NSD2: variants seen among roughly 807,000 people sequenced by gnomAD.
The protein encoded by NSD2 is histone-lysine N-methyltransferase NSD2.
A neutral mutation model predicts 139.0 loss-of-function variants in NSD2; 12 were observed. The ratio of observed to expected loss-of-function variants is 0.09; its 90% confidence interval spans 0.06 to 0.14. NSD2 has a LOEUF of 0.14. Ranked by LOEUF, NSD2 falls within the 10% of genes least tolerant of loss-of-function variation. The pLI is 1.00. For missense variants in NSD2, 1,155 were observed against 1,745.0 expected (o/e 0.66, Z 6.02); for synonymous variants, 669 against 648.7 (o/e 1.03, Z -0.48).
At chr4:1,965,340 G>A (rs895396289) in intron 18 of NSD2, among the ~76,000 whole-genome samples, 2 of 152,166 alleles carry the variant, frequency 1.3e-5, no homozygotes, top group African/African-American at 4.8e-5. Context: ...AAACAGAAAA[G>A]AAGATTGAAG....
In NSD2 at chr4:1,935,184, A is replaced by T. The variant is rs1177980919; in HGVS notation, c.1596A>T (p.Ile532=). The T allele has an allele frequency of 1.2e-6, 2 of 1,613,662 alleles. No homozygotes were observed. Among genetic ancestry groups the T allele is most frequent in the South Asian group, 2.2e-5 (2 of 91,030 alleles). Residue 532 remains isoleucine (I), a synonymous_variant, in exon 7 of 22, where the codon ATA becomes ATT. Transcript: ENST00000508803. ...NGKKRNHTKR[I]QDPTEDAEAE... is the part of the protein sequence containing the mutation. ...AAAAAAGAAACCACACAAAGAGGAT[A>T]CAGGACCCTACAGAAGATGCTGAAG... is the stretch of plus-strand genomic sequence containing the variant.
chr4:1,895,821 G>A, intron 1 of NSD2, among the ~76,000 whole-genome samples: 1 of 152,210 alleles, frequency 6.6e-6, no homozygotes, highest in Non-Finnish European at 1.5e-5. Context: ...TTAGGCGGAG[G>A]CTTGGGGTTC....
chr4:1,946,372 ATTC>A, intron 9 of NSD2: 1 of 478,610 alleles, frequency 2.1e-6, no homozygotes, highest in East Asian at 9.1e-5. Flanking sequence ...GGTTCCAGCA[ATTC>A]TTCTGCCTCA....
intron 1 of NSD2, among the ~76,000 whole-genome samples, chr4:1,898,357 C>G (rs1716648624): frequency 6.6e-6 from 1 of 152,160 alleles, no homozygotes; most frequent in Non-Finnish European, 1.5e-5. Context: ...AAAGCCTGAC[C>G]ACATTCCCCT....
chr4:1,932,094 G>A (rs1023490104), intron 6 of NSD2, among the ~76,000 whole-genome samples: 1 of 152,126 alleles, frequency 6.6e-6, no homozygotes, highest in Non-Finnish European at 1.5e-5. Context: ...CTAACAACTA[G>A]GATGGCGCAC....
chr4:1,946,754 A>G, intron 9 of NSD2: 2 of 1,046,628 alleles, frequency 1.9e-6, no homozygotes, highest in East Asian at 5.6e-5. Flanking sequence ...TATTTGTATT[A>G]TATTCATCTG....
chr4:1,901,872 G>A (rs982928660), intron 2 of NSD2, among the ~76,000 whole-genome samples: 2 of 152,214 alleles, frequency 1.3e-5, no homozygotes, highest in Non-Finnish European at 2.9e-5. Context: ...GAACACAAGC[G>A]AATGAGTGTT....
chr4:1,890,002 C>T (rs1177305454), intron 1 of NSD2, among the ~76,000 whole-genome samples: 1 of 152,170 alleles, frequency 6.6e-6, no homozygotes, highest in Non-Finnish European at 1.5e-5. Context: ...CTCTCCTCTC[C>T]CAGCCCCTGG....
Position 1,979,523 on chromosome 4 carries a change from A to G in NSD2, c.*614A>G, listed in dbSNP as rs538679524. The G allele has an allele frequency of 6.9e-5, 16 of 232,966 alleles. No individual in the cohort carries two copies. Among genetic ancestry groups the G allele is most frequent in the African/African-American group, 2.9e-4 (13 of 45,440 alleles). 14.4% of individuals were successfully genotyped at this position (232,966 alleles called of 1,614,324 possible). On this transcript the variant is annotated 3_prime_UTR_variant, in exon 22 of 22. Transcript: ENST00000508803. ...GCTGGCCCTGCAGGTGGTGGCAGCAATGGTGTTGTAAGATTTCCTCCCGTA... is the reference window on the plus strand; with the variant it reads ...GCTGGCCCTGCAGGTGGTGGCAGCAGTGGTGTTGTAAGATTTCCTCCCGTA...
rs1040303131 is a variant in NSD2, at chr4:1,972,243, G to A, written c.3373-2620G>A. The stretch of plus-strand genomic sequence containing the variant: ...TGGAGCAGGCTTCTGTGGAAAGTTC[G>A]GCAGTGTCACTGACGGACACAAGAG... On this transcript the variant is annotated intron_variant, in intron 18 of 21. Coordinates refer to ENST00000508803, the MANE Select transcript of NSD2 (RefSeq NM_001042424.3). This position sits in a 1 kb window ranked among gnomAD's most constrained non-coding sequence, Gnocchi z 4.0. 6.6e-6 allele frequency among the ~76,000 whole-genome samples: 1 copy of A among 152,180 alleles called. No homozygotes were observed. The highest frequency in any genetic ancestry group is 2.4e-5 in the African/African-American group (1 of 41,440).
intron 1 of NSD2, among the ~76,000 whole-genome samples, chr4:1,887,087 C>G (rs1197333264): frequency 6.6e-6 from 1 of 152,064 alleles, no homozygotes; most frequent in Non-Finnish European, 1.5e-5. Flanking sequence ...ACATGGTTTG[C>G]CAGGGTTAGC....
rs2108958452 is a variant in NSD2, at chr4:1,955,686, C to T, written c.2519-7C>T. ...CTAAGCCTGGCCGCCTCGCCCTCCTCTTGCAGGGGGGAGCCTTCTGTGCTG... is the reference window on the plus strand; with the variant it reads ...CTAAGCCTGGCCGCCTCGCCCTCCTTTTGCAGGGGGGAGCCTTCTGTGCTG... On this transcript the variant is annotated splice_region_variant and splice_polypyrimidine_tract_variant and intron_variant, in intron 13 of 21. Coordinates refer to ENST00000508803, the MANE Select transcript of NSD2 (RefSeq NM_001042424.3). The surrounding 1 kb of genome is among the most constrained non-coding windows in gnomAD (Gnocchi z 4.7). The T allele has an allele frequency of 2.5e-6, 4 of 1,610,576 alleles. No individual in the cohort carries two copies. Among genetic ancestry groups the T allele is most frequent in the East Asian group, 4.5e-5 (2 of 44,756 alleles).
intron 10 of NSD2, among the ~76,000 whole-genome samples, chr4:1,951,632 G>C (rs1724282382): frequency 6.6e-6 from 1 of 152,122 alleles, no homozygotes; most frequent in Non-Finnish European, 1.5e-5. Flanking sequence ...CTAGACCTGT[G>C]TGTGCCCACA....
intron 1 of NSD2, among the ~76,000 whole-genome samples, chr4:1,882,768 G>A (rs988117088): frequency 6.6e-6 from 1 of 152,206 alleles, no homozygotes; most frequent in Non-Finnish European, 1.5e-5. Context: ...CTCAAAGTCT[G>A]GTCCCCAGAC....
intron 9 of NSD2, chr4:1,943,200 CT>C: frequency 9.6e-7 from 1 of 1,041,384 alleles, no homozygotes; most frequent in Non-Finnish European, 1.2e-6. Context: ...CTTACTTGCC[CT>C]TCAGCTCATA....
At chr4:1,925,930 G>C (rs1031422208) in intron 5 of NSD2, among the ~76,000 whole-genome samples, 3 of 151,568 alleles carry the variant, frequency 2.0e-5, no homozygotes, top group African/African-American at 7.3e-5. Flanking sequence ...AGCCTCCCTA[G>C]TAGCTGGGAC....
intron 15 of NSD2, among the ~76,000 whole-genome samples, chr4:1,957,278 TTTTG>T (rs1724919652): frequency 6.6e-6 from 1 of 151,254 alleles, no homozygotes; most frequent in African/African-American, 2.4e-5. Context: ...CTGCATGTTT[TTTTG>T]TTTTTGTTTT....
At chr4:1,935,942 C>T (rs1722338262) in intron 7 of NSD2, among the ~76,000 whole-genome samples, 1 of 152,094 alleles carries the variant, frequency 6.6e-6, no homozygotes. Context: ...AATGAACTGG[C>T]ATCAAAGTCC....
chr4:1,947,029 T>C, intron 9 of NSD2: 1 of 1,063,682 alleles, frequency 9.4e-7, no homozygotes, highest in Non-Finnish European at 1.1e-6. Flanking sequence ...GGGGTGGGGG[T>C]CCTGGTCCGG....
Sources: allele counts gnomAD v4.1 joint callset (sites outside exome capture counted in the v4.1 genomes callset), GRCh38; gene constraint gnomAD v4.1.1; non-coding constraint Gnocchi (gnomAD v3.1); transcripts MANE v1.5; gene names NCBI Gene and HGNC (gene_info 2026-07-23, HGNC 2026-07-21).